Variants in TDRD10 observed in about 807,000 individuals in gnomAD.
The protein encoded by TDRD10 is tudor domain-containing protein 10.
In TDRD10, 40 loss-of-function variants were observed where a neutral mutation model predicts 48.0. That is an observed-to-expected ratio of 0.83 (90% CI 0.65 to 1.09). The LOEUF is 1.09. Ranked by LOEUF, TDRD10 falls within the 50% of genes least tolerant of loss-of-function variation. The pLI, the probability that TDRD10 is intolerant of heterozygous loss-of-function variation, is 0.00. For synonymous variants in TDRD10, 162 were observed against 170.4 expected (o/e 0.95, Z 0.38); for missense variants, 378 against 434.7 (o/e 0.87, Z 1.16).
At chr1:154,528,085 A>T (rs544834398) in intron 6 of TDRD10, among the ~76,000 whole-genome samples, 1 of 152,232 alleles carries the variant, frequency 6.6e-6, no homozygotes, top group Non-Finnish European at 1.5e-5. Context: ...GCTTACTTGA[A>T]CATTTTTTAG....
intron 8 of TDRD10, 84 bp downstream of exon 8, chr1:154,542,905 A>G: frequency 8.6e-7 from 1 of 1,166,474 alleles, no homozygotes; most frequent in South Asian, 1.4e-5. Context: ...CAAGGATAGT[A>G]CTGGGGTGGG....
chr1:154,512,312 C>G (rs7518694), intron 4 of TDRD10, among the ~76,000 whole-genome samples: 89,989 of 152,034 alleles, frequency 0.59, 27,234 homozygotes, highest in East Asian at 0.76. Context: ...TAGAGTGTGT[C>G]TTAGTACTTT....
Position 154,544,029 on chromosome 1 carries a change from T to G in TDRD10, c.570T>G (p.His190Gln). The G allele has an allele frequency of 6.2e-7, 1 of 1,613,578 alleles. No individual in the cohort carries two copies. Among genetic ancestry groups the G allele is most frequent in the Non-Finnish European group, 8.5e-7 (1 of 1,179,714 alleles). Residue 190 changes from histidine to glutamine, a missense_variant, in exon 9 of 13, where the codon CAT (histidine) becomes CAG (glutamine). This residue lies in a region of TDRD10 where 310 missense variants were observed against 323.6 expected (regional missense o/e 0.96). Coordinates refer to ENST00000368482, the MANE Select transcript of TDRD10 (RefSeq NM_182499.4). ...FRDLSWLALI[H>Q]SVRGEAGLLV... ...ACCTGAGCTGGCTGGCACTCATCCA[T>G]AGCGTCCGTGGGGAGGCGGGGCTGC...
At chr1:154,506,288 G>T (rs957324857) in intron 1 of TDRD10, among the ~76,000 whole-genome samples, 2 of 151,856 alleles carry the variant, frequency 1.3e-5, no homozygotes, top group Non-Finnish European at 2.9e-5. Flanking sequence ...CATGGCTTGC[G>T]GCCCCTTCCT....
At position 154,544,498 on chromosome 1, in the gene TDRD10, T is replaced by C; in HGVS notation, c.778T>C (p.Tyr260His). The change falls in exon 10 of 13, where the codon TAT becomes CAT. Residue 260 changes from tyrosine to histidine, a missense_variant. Physicochemically the swap from Tyr to His is moderately conservative, Grantham distance 83 (BLOSUM62 2). Around this residue, in one of 2 missense-constraint regions of TDRD10, gnomAD observed 310 missense variants for 323.6 expected, o/e 0.96. Transcript: ENST00000368482. ...RCLAEYHLGD[Y>H]GHAWNRCWVL... ...TCTGGCAGAGTACCACCTGGGGGAT[T>C]ATGGACACGCCTGGAACAGGTGTGT... The C allele has an allele frequency of 6.2e-7, 1 of 1,613,934 alleles. No individual in the cohort carries two copies. Among genetic ancestry groups the C allele is most frequent in the South Asian group, 1.1e-5 (1 of 90,962 alleles).
At chr1:154,520,806 C>T (rs747414551) in intron 5 of TDRD10, among the ~76,000 whole-genome samples, 3 of 151,636 alleles carry the variant, frequency 2.0e-5, no homozygotes, top group Non-Finnish European at 2.9e-5. Flanking sequence ...GGTGCAGTCT[C>T]GGCTCACTGC....
intron 4 of TDRD10, among the ~76,000 whole-genome samples, chr1:154,514,917 G>A (rs1369273925): frequency 2.0e-5 from 3 of 151,816 alleles, no homozygotes; most frequent in Non-Finnish European, 4.4e-5. Context: ...GTCCAGGCTA[G>A]AGTGCAGTGG....
At chr1:154,509,230 G>A (rs770300201) in intron 4 of TDRD10, among the ~76,000 whole-genome samples, 5 of 151,166 alleles carry the variant, frequency 3.3e-5, no homozygotes, top group East Asian at 1.9e-4. Context: ...ACTAACCTTT[G>A]TGGAACCCCT....
At chr1:154,519,379 A>AT (rs1386428331) in intron 4 of TDRD10, among the ~76,000 whole-genome samples, 1 of 152,182 alleles carries the variant, frequency 6.6e-6, no homozygotes, top group African/African-American at 2.4e-5. Context: ...TATAAATATC[A>AT]TTTTTTTCCA....
chr1:154,546,744 TCC>T (rs1695612457), intron 11 of TDRD10, among the ~76,000 whole-genome samples: 1 of 151,896 alleles, frequency 6.6e-6, no homozygotes, highest in African/African-American at 2.4e-5. Flanking sequence ...AGGGCCAGAG[TCC>T]CCAACCCAGA....
intron 6 of TDRD10, among the ~76,000 whole-genome samples, chr1:154,541,541 TGAGAACAGTG>T (rs773488166): frequency 4.2e-4 from 64 of 151,462 alleles, no homozygotes; most frequent in Non-Finnish European, 8.0e-4. Flanking sequence ...GTTTTTCAGG[TGAGAACAGTG>T]GAGAGAGGGA....
At chr1:154,504,014 G>A (rs999535870) in intron 1 of TDRD10, among the ~76,000 whole-genome samples, 3 of 152,180 alleles carry the variant, frequency 2.0e-5, no homozygotes, top group Admixed American at 6.5e-5. Context: ...GAAATCTCCC[G>A]TCAATTAGCA....
chr1:154,509,237 C>T (rs1025575111), intron 4 of TDRD10, among the ~76,000 whole-genome samples: 1 of 151,912 alleles, frequency 6.6e-6, no homozygotes, highest in African/African-American at 2.4e-5. Context: ...TTTGTGGAAC[C>T]CCTGCAGCAT....
intron 4 of TDRD10, among the ~76,000 whole-genome samples, chr1:154,510,225 C>T (rs368091346): frequency 2.0e-3 from 271 of 136,326 alleles, no homozygotes; most frequent in African/African-American, 6.9e-3. Context: ...GGCAACATAG[C>T]GAGACCACAT....
intron 6 of TDRD10, among the ~76,000 whole-genome samples, chr1:154,534,044 GA>G (rs886296071): frequency 1.3e-5 from 2 of 151,486 alleles, no homozygotes; most frequent in African/African-American, 2.4e-5. Context: ...TTTTAAATGG[GA>G]AAAAAAATGA....
chr1:154,508,841 CA>C (rs1178220049), intron 4 of TDRD10, among the ~76,000 whole-genome samples: 3 of 151,576 alleles, frequency 2.0e-5, no homozygotes, highest in East Asian at 1.9e-4. Context: ...TGGTTTCAGC[CA>C]AAAAAAATGA....
intron 6 of TDRD10, among the ~76,000 whole-genome samples, chr1:154,540,147 T>C (rs1346021541): frequency 6.6e-6 from 1 of 152,204 alleles, no homozygotes; most frequent in African/African-American, 2.4e-5. Flanking sequence ...TTGAAAAAGA[T>C]CACAGTCCTC....
At chr1:154,537,313 G>T (rs189389041) in intron 6 of TDRD10, among the ~76,000 whole-genome samples, 4 of 152,320 alleles carry the variant, frequency 2.6e-5, no homozygotes, top group East Asian at 3.9e-4. Flanking sequence ...CCACCAGAAC[G>T]TGAGCTTTGT....
chr1:154,535,160 A>C (rs1385481313), intron 6 of TDRD10, among the ~76,000 whole-genome samples: 1 of 152,068 alleles, frequency 6.6e-6, no homozygotes, highest in East Asian at 1.9e-4. Flanking sequence ...TGAAGTCAGG[A>C]GTTTGAGACC....
Sources: allele counts gnomAD v4.1 joint callset (sites outside exome capture counted in the v4.1 genomes callset), GRCh38; gene constraint gnomAD v4.1.1; regional missense constraint gnomAD v4.1.1; transcripts MANE v1.5; gene names NCBI Gene and HGNC (gene_info 2026-07-23, HGNC 2026-07-21).